AKR1B15: variants seen among roughly 807,000 people sequenced by gnomAD.
AKR1B15 encodes the protein estradiol 17-beta-dehydrogenase AKR1B15.
A neutral mutation model predicts 38.5 loss-of-function variants in AKR1B15; 49 were observed. The observed-to-expected ratio is 1.27, with a 90% CI of 1.01 to 1.62. AKR1B15 has a LOEUF of 1.62. Ranked by LOEUF, AKR1B15 falls within the 40% of genes most tolerant of loss-of-function variation. AKR1B15 has a pLI of 0.00. For missense variants in AKR1B15, 411 were observed against 381.6 expected (o/e 1.08, Z -0.64); for synonymous variants, 137 against 135.5 (o/e 1.01, Z -0.08).
chr7:134,569,259 G>A (rs574698531), intron 4 of AKR1B15, among the ~76,000 whole-genome samples, 154 bp from the exon 5 acceptor site: 6 of 152,272 alleles, frequency 3.9e-5, no homozygotes, highest in East Asian at 1.9e-4. Context: ...GAGCCCTGGC[G>A]ATCTTCCACA....
Position 134,568,104 on chromosome 7 carries a change from C to G in AKR1B15, c.151-54C>G, listed in dbSNP as rs1794581073. 4.4e-6 allele frequency: 7 copies of G among 1,601,336 alleles called. No individual in the cohort carries two copies. In the Admixed American group the frequency reaches 1.2e-4, roughly 28 times the overall value. On this transcript the variant is annotated intron_variant, in intron 3 of 11. Transcript: ENST00000457545. ...GCCAGCCTGGGCAACATGGCAAGGTCTCATCTCTTAAAAAAAAAATACATG... is the reference window on the plus strand; with the variant it reads ...GCCAGCCTGGGCAACATGGCAAGGTGTCATCTCTTAAAAAAAAAATACATG...
chr7:134,561,377 T>C (rs1401029088), intron 2 of AKR1B15, among the ~76,000 whole-genome samples: 11 of 152,178 alleles, frequency 7.2e-5, no homozygotes, highest in Non-Finnish European at 1.3e-4. Flanking sequence ...TGGCTAATTT[T>C]AGGATTTTTA....
At position 134,579,642 on chromosome 7, in the gene AKR1B15, C is replaced by G. The variant is rs763140985; in HGVS notation, c.*93C>G. On this transcript the variant is annotated 3_prime_UTR_variant, in exon 12 of 12. Coordinates refer to ENST00000457545, the MANE Select transcript of AKR1B15 (RefSeq NM_001080538.3). Reference sequence around the variant, plus strand: ...CAAGAACTATTTTAGCCAAGCTTATCTGAGATCACAGTGAACTTTGTCCTG... The same window carrying G: ...CAAGAACTATTTTAGCCAAGCTTATGTGAGATCACAGTGAACTTTGTCCTG... 68 of 1,190,898 alleles carry G rather than the reference C, an allele frequency of 5.7e-5. No individual in the cohort carries two copies. Among genetic ancestry groups the G allele is most frequent in the Non-Finnish European group, 8.0e-5 (68 of 851,744 alleles). 73.8% of individuals were successfully genotyped at this position (1,190,898 alleles called of 1,614,324 possible). A position where few individuals can be genotyped will look rare whatever the true frequency, so the allele number is the denominator to read the frequency against.
intron 11 of AKR1B15, 50 bp downstream of exon 11, chr7:134,577,836 T>C (rs1794798880): frequency 3.8e-6 from 6 of 1,584,186 alleles, no homozygotes; most frequent in Non-Finnish European, 3.5e-6. Context: ...TTTTCTAAAC[T>C]GGTAGAGGGT....
intron 1 of AKR1B15, among the ~76,000 whole-genome samples, chr7:134,551,877 C>G (rs960878913): frequency 6.6e-6 from 1 of 152,216 alleles, no homozygotes; most frequent in African/African-American, 2.4e-5. Context: ...GGTCCTCACC[C>G]TGCCCCGCAG....
At chr7:134,550,046 G>C (rs750649914) in intron 1 of AKR1B15, among the ~76,000 whole-genome samples, 1 of 152,072 alleles carries the variant, frequency 6.6e-6, no homozygotes, top group Non-Finnish European at 1.5e-5. Context: ...CTGGCGTTTG[G>C]ATTGCCATAC....
At chr7:134,569,162 C>A (rs1794609606) in intron 4 of AKR1B15, among the ~76,000 whole-genome samples, 1 of 152,214 alleles carries the variant, frequency 6.6e-6, no homozygotes, top group Non-Finnish European at 1.5e-5. Context: ...GCCACATTTA[C>A]TTAAATGATC....
At chr7:134,569,688 C>G (rs1228406053) in intron 5 of AKR1B15, 159 bp downstream of exon 5, 6 of 703,452 alleles carry the variant, frequency 8.5e-6, no homozygotes, top group Non-Finnish European at 1.4e-5. Flanking sequence ...TTTATAATTT[C>G]TTACGCCTGT....
At chr7:134,551,884 G>T (rs996189012) in intron 1 of AKR1B15, among the ~76,000 whole-genome samples, 1 of 152,176 alleles carries the variant, frequency 6.6e-6, no homozygotes, top group Non-Finnish European at 1.5e-5. Context: ...ACCCTGCCCC[G>T]CAGCAGAGGA....
chr7:134,575,328 T>C lies in AKR1B15; in HGVS notation c.514-92T>C. 3.3e-6 allele frequency: 5 copies of C among 1,531,408 alleles called. No homozygotes were observed. In the East Asian group the frequency reaches 9.1e-5, roughly 28 times the overall value. The allele number at this position is 1,531,408 out of a possible 1,614,324, so 94.9% of individuals were successfully genotyped here. On this transcript the variant is annotated intron_variant, in intron 6 of 11. Coordinates refer to ENST00000457545, the MANE Select transcript of AKR1B15 (RefSeq NM_001080538.3). Reference sequence around the variant, plus strand: ...CAGCTAACTCTGTTGCGGTGGATCCTTTAGCAATTTCTGCCCCAGGGAAGA... The same window carrying C: ...CAGCTAACTCTGTTGCGGTGGATCCCTTAGCAATTTCTGCCCCAGGGAAGA...
At chr7:134,556,353 G>A (rs1794196090) in intron 1 of AKR1B15, among the ~76,000 whole-genome samples, 1 of 152,150 alleles carries the variant, frequency 6.6e-6, no homozygotes, top group African/African-American at 2.4e-5. Flanking sequence ...GTGCCGAAAG[G>A]CCAAACCCCC....
chr7:134,552,859 C>T (rs782526), intron 1 of AKR1B15, among the ~76,000 whole-genome samples: 3,789 of 152,060 alleles, frequency 0.025, 163 homozygotes, highest in African/African-American at 0.086. Context: ...TTTAAAAATT[C>T]CCCCACCCTT....
Position 134,564,675 on chromosome 7 carries a change from C to A in AKR1B15, c.56C>A (p.Pro19His). 1.4e-6 allele frequency: 1 copy of A among 699,688 alleles called. No individual in the cohort carries two copies. Among genetic ancestry groups the A allele is most frequent in the Non-Finnish European group, 2.6e-6 (1 of 384,274 alleles). 43.3% of individuals were successfully genotyped at this position (699,688 alleles called of 1,614,324 possible). A position where few individuals can be genotyped will look rare whatever the true frequency, so the allele number is the denominator to read the frequency against. Reference sequence around the variant, plus strand: ...TCAACTAACAACTTCCACCAAGGACCCCTGGACCAACCCGTTGGCCCTTTG... The same window carrying A: ...TCAACTAACAACTTCCACCAAGGACACCTGGACCAACCCGTTGGCCCTTTG... Reference protein sequence around the residue: ...VNSTNNFHQGPLDQPVGPLTG... With the variant: ...VNSTNNFHQGHLDQPVGPLTG... The change falls in exon 3 of 12, where the codon CCC becomes CAC. Residue 19 changes from proline (P) to histidine (H), a missense_variant. By Grantham distance (77) the Pro-to-His change is moderately conservative. Transcript: ENST00000457545.
chr7:134,578,335 A>T (rs1283906148), intron 11 of AKR1B15, among the ~76,000 whole-genome samples: 3 of 152,164 alleles, frequency 2.0e-5, no homozygotes, highest in African/African-American at 7.2e-5. Flanking sequence ...GATATGCCAT[A>T]TGTATATTTG....
intron 5 of AKR1B15, 87 bp from the exon 6 acceptor site, chr7:134,571,517 A>G: frequency 1.0e-6 from 1 of 974,004 alleles, no homozygotes; most frequent in Admixed American, 1.9e-5. Context: ...TGTGGTATTT[A>G]GCAAGCATCA....
chr7:134,565,185 G>A, intron 3 of AKR1B15: 1 of 367,658 alleles, frequency 2.7e-6, no homozygotes, highest in Non-Finnish European at 5.0e-6. Context: ...TCTTGCTGCT[G>A]CTCACTCTTT....
At chr7:134,553,256 T>G (rs1047480309) in intron 1 of AKR1B15, among the ~76,000 whole-genome samples, 2 of 152,208 alleles carry the variant, frequency 1.3e-5, no homozygotes, top group Non-Finnish European at 2.9e-5. Flanking sequence ...TGTACACCAC[T>G]ACTGGAGGGA....
At chr7:134,575,108 T>C (rs1003966968) in intron 6 of AKR1B15, among the ~76,000 whole-genome samples, 4 of 152,230 alleles carry the variant, frequency 2.6e-5, no homozygotes, top group Non-Finnish European at 5.9e-5. Flanking sequence ...TTTTTCATGA[T>C]AAAACTTTCA....
Position 134,566,487 on chromosome 7 carries a change from C to T in AKR1B15, c.151-1671C>T, listed in dbSNP as rs183764699. The stretch of plus-strand genomic sequence containing the variant: ...TGTTTTTATGACAGCTGGCAAAACA[C>T]GCTAAGGCACATTGAGGACTCAGTG... On this transcript the variant is annotated intron_variant, in intron 3 of 11. Transcript: ENST00000457545. Among the ~76,000 whole-genome samples, 106 of 152,236 alleles carry T rather than the reference C, an allele frequency of 7.0e-4. 1 individual carries two copies. The highest frequency in any genetic ancestry group is 2.1e-3 in the African/African-American group (87 of 41,556).
Sources: allele counts gnomAD v4.1 joint callset (sites outside exome capture counted in the v4.1 genomes callset), GRCh38; gene constraint gnomAD v4.1.1; transcripts MANE v1.5; gene names NCBI Gene and HGNC (gene_info 2026-07-23, HGNC 2026-07-21).